The following MAPK8 variants were observed in gnomAD, a reference collection of about 807,000 sequenced individuals.
MAPK8 encodes the protein mitogen-activated protein kinase 8, also known as JUN N-terminal kinase.
A neutral mutation model predicts 52.9 loss-of-function variants in MAPK8; 13 were observed. The ratio of observed to expected loss-of-function variants is 0.25; its 90% CI spans 0.16 to 0.39. MAPK8 has a LOEUF of 0.39. Ranked by LOEUF, MAPK8 falls within the 10% of genes least tolerant of loss-of-function variation. The pLI, the probability that MAPK8 is intolerant of heterozygous loss-of-function variation, is 1.00. For synonymous variants in MAPK8, 191 were observed against 169.8 expected, an observed-to-expected ratio of 1.12 and a Z score of -0.97; for missense variants, 300 against 519.2, an observed-to-expected ratio of 0.58 and a Z score of 4.10.
chr10:48,427,006 A>C lies in MAPK8; in HGVS notation c.997-74A>C, dbSNP rs147762222. On this transcript the variant is annotated intron_variant, in intron 9 of 11. Coordinates refer to ENST00000374189, the MANE Select transcript of MAPK8 (RefSeq NM_001323329.2). ...ATTTTTATAAGTCATCTGTGTGGCTAATATTTCAAATAACTACAGAGTTAA... is the reference window on the plus strand; with the variant it reads ...ATTTTTATAAGTCATCTGTGTGGCTCATATTTCAAATAACTACAGAGTTAA... 204 of 1,043,272 alleles carry C rather than the reference A, an allele frequency of 2.0e-4. No individual in the cohort carries two copies. The East Asian group carries it at 4.3e-3, about 22-fold the overall frequency. The allele number at this position is 1,043,272 out of a possible 1,614,324, so 64.6% of individuals were successfully genotyped here. A position where few individuals can be genotyped will look rare whatever the true frequency, so the allele number is the denominator to read the frequency against.
At chr10:48,313,184 G>A (rs976100010) in intron 1 of MAPK8, among the ~76,000 whole-genome samples, 9 of 152,208 alleles carry the variant, frequency 5.9e-5, no homozygotes, top group African/African-American at 2.2e-4. Context: ...TGTAATCTGA[G>A]CACTTTGGGA....
intron 1 of MAPK8, among the ~76,000 whole-genome samples, chr10:48,307,470 G>C (rs1040846180): frequency 6.6e-6 from 1 of 152,048 alleles, no homozygotes; most frequent in Non-Finnish European, 1.5e-5. Flanking sequence ...TGGTCAGCGC[G>C]CATTTCTCTT....
intron 1 of MAPK8, among the ~76,000 whole-genome samples, chr10:48,328,952 T>C (rs1305776076): frequency 1.5e-5 from 2 of 135,458 alleles, no homozygotes; most frequent in East Asian, 3.8e-4. Flanking sequence ...TACAGTTGTT[T>C]CATTACTTAG....
rs1258553972 is a variant in MAPK8 at position 48,435,268 on chromosome 10, G to A, written c.*239G>A. On this transcript the variant is annotated 3_prime_UTR_variant, in exon 12 of 12. Coordinates refer to ENST00000374189, the MANE Select transcript of MAPK8 (RefSeq NM_001323329.2). ...TTTTTGCTGTAATTAACTGTATAAT[G>A]TAAACCTAATTATTTTATCATGGTT... 2 of 384,180 alleles carry A rather than the reference G, an allele frequency of 5.2e-6. No homozygotes were observed. Among genetic ancestry groups the A allele is most frequent in the African/African-American group, 4.1e-5 (2 of 48,308 alleles). 23.8% of individuals were successfully genotyped at this position (384,180 alleles called of 1,614,324 possible).
At chr10:48,372,700 C>G (rs1347306477) in intron 1 of MAPK8, among the ~76,000 whole-genome samples, 1 of 149,788 alleles carries the variant, frequency 6.7e-6, no homozygotes, top group Non-Finnish European at 1.5e-5. Flanking sequence ...TGAAAAGAAA[C>G]AAATAAAGCC....
At chr10:48,409,700 C>T (rs1435094117) in intron 3 of MAPK8, among the ~76,000 whole-genome samples, 179 bp from the exon 4 acceptor site, 1 of 152,182 alleles carries the variant, frequency 6.6e-6, no homozygotes, top group African/African-American at 2.4e-5. Context: ...TCCATCCCCT[C>T]CTCCAACTCC....
At chr10:48,324,322 A>G (rs1316022349) in intron 1 of MAPK8, among the ~76,000 whole-genome samples, 1 of 152,092 alleles carries the variant, frequency 6.6e-6, no homozygotes, top group Admixed American at 6.6e-5. Flanking sequence ...ATAGTGTTCA[A>G]ATTGATGTTT....
intron 1 of MAPK8, among the ~76,000 whole-genome samples, chr10:48,370,988 G>T (rs1431086835): frequency 1.3e-5 from 2 of 152,112 alleles, no homozygotes; most frequent in Admixed American, 1.3e-4. Flanking sequence ...TTGAGAATTT[G>T]TGAAGAAACT....
rs193221537 is a variant in MAPK8 at position 48,326,939 on chromosome 10, T to G, written c.-50+20118T>G. 3.7e-3 allele frequency among the ~76,000 whole-genome samples: 564 copies of G among 152,246 alleles called. 3 individuals carry two copies. Among genetic ancestry groups the G allele is most frequent in the African/African-American group, 0.013 (549 of 41,564 alleles). On this transcript the variant is annotated intron_variant, in intron 1 of 11. Coordinates refer to ENST00000374189, the MANE Select transcript of MAPK8 (RefSeq NM_001323329.2). The stretch of plus-strand genomic sequence containing the variant: ...AACAGCTGTATCAACTAGGAGTGTT[T>G]TTTGTTTGTTTGTTTGTTTTTTGTT...
At chr10:48,391,879 A>G (rs2132857071) in intron 1 of MAPK8, among the ~76,000 whole-genome samples, 1 of 152,276 alleles carries the variant, frequency 6.6e-6, no homozygotes, top group South Asian at 2.1e-4. Flanking sequence ...AGTTTATTAT[A>G]AAGGATATTA....
At chr10:48,322,647 A>C (rs1340469505) in intron 1 of MAPK8, among the ~76,000 whole-genome samples, 1 of 150,762 alleles carries the variant, frequency 6.6e-6, no homozygotes, top group Non-Finnish European at 1.5e-5. Context: ...CCACCCTCAC[A>C]CTTTCTTGGG....
chr10:48,359,497 G>A (rs966712256), intron 1 of MAPK8, among the ~76,000 whole-genome samples: 1 of 152,002 alleles, frequency 6.6e-6, no homozygotes, highest in Non-Finnish European at 1.5e-5. Flanking sequence ...ACAGTTTGGG[G>A]GGCTAGCCCT....
intron 1 of MAPK8, among the ~76,000 whole-genome samples, chr10:48,356,068 A>C: frequency 9.0e-6 from 1 of 111,376 alleles, no homozygotes; most frequent in African/African-American, 2.8e-5. Flanking sequence ...TACTCTAGGC[A>C]TGAAGAAAGT....
rs1304575417 is a variant in MAPK8, at chr10:48,437,021, T to C, written c.*1992T>C. ...CAGACATGCTTTCAGAAGGTTCTCA[T>C]ATTTTATGTTTGATTGCTGATAAGC... is the stretch of plus-strand genomic sequence containing the variant. On this transcript the variant is annotated 3_prime_UTR_variant, in exon 12 of 12. Coordinates refer to ENST00000374189, the MANE Select transcript of MAPK8 (RefSeq NM_001323329.2). 1 of 152,224 alleles carries C rather than the reference T, an allele frequency of 6.6e-6. No individual in the cohort carries two copies. The highest frequency in any genetic ancestry group is 2.4e-5 in the African/African-American group (1 of 41,458). The allele number at this position is 152,224 out of a possible 1,614,324, so 9.4% of individuals were successfully genotyped here.
chr10:48,324,810 A>G (rs750827369), intron 1 of MAPK8, among the ~76,000 whole-genome samples: 1 of 152,172 alleles, frequency 6.6e-6, no homozygotes, highest in Non-Finnish European at 1.5e-5. Context: ...CATTATAACA[A>G]TGGGTTTCCC....
chr10:48,417,270 C>G (rs986586387), intron 5 of MAPK8, among the ~76,000 whole-genome samples: 2 of 152,096 alleles, frequency 1.3e-5, no homozygotes, highest in Non-Finnish European at 2.9e-5. Flanking sequence ...ATTGTAGTTC[C>G]TTTCATAGTA....
intron 1 of MAPK8, among the ~76,000 whole-genome samples, chr10:48,321,938 A>G (rs1843038418): frequency 6.6e-6 from 1 of 152,136 alleles, no homozygotes; most frequent in Non-Finnish European, 1.5e-5. Context: ...GTGTGAGTAT[A>G]TTTATATATA....
intron 1 of MAPK8, among the ~76,000 whole-genome samples, chr10:48,389,971 G>A (rs1486079501): frequency 1.3e-5 from 2 of 152,164 alleles, no homozygotes; most frequent in African/African-American, 4.8e-5. Context: ...CCCAAGATCT[G>A]CAGCTTGCAA....
At chr10:48,377,774 ATAAAC>A (rs1248693019) in intron 1 of MAPK8, among the ~76,000 whole-genome samples, 1 of 152,198 alleles carries the variant, frequency 6.6e-6, no homozygotes, top group Non-Finnish European at 1.5e-5. Context: ...TGAGAAATAA[ATAAAC>A]TAAATTGTTT....
Sources: gnomAD v4.1 joint callset for allele counts (sites outside exome capture counted in the v4.1 genomes callset) on GRCh38, gnomAD v4.1.1 for gene constraint, MANE v1.5 for transcripts, NCBI Gene and HGNC (gene_info 2026-07-23, HGNC 2026-07-21) for gene names.